AGAP2: variants seen among roughly 807,000 people sequenced by gnomAD.
AGAP2 encodes the protein arf-GAP with GTPase, ANK repeat and PH domain-containing protein 2.
AGAP2 carries 32 observed loss-of-function variants against 110.9 expected under a neutral mutation model. The observed-to-expected ratio is 0.29, with a 90% CI of 0.22 to 0.39. The LOEUF is 0.39. Among genes scored for constraint, AGAP2 ranks in the 10% least tolerant of loss-of-function variants. AGAP2 has a pLI of 1.00. For synonymous variants in AGAP2, 702 were observed against 713.0 expected (o/e 0.98, Z 0.25); for missense variants, 1,285 against 1,638.5 (o/e 0.78, Z 3.72).
chr12:57,739,883 G>A (rs1000543540), upstream of AGAP2: 3 of 152,274 alleles, frequency 2.0e-5, no homozygotes, highest in African/African-American at 7.2e-5. Flanking sequence ...TTAAAGAGGA[G>A]GCAGGCAGAG....
In AGAP2 at chr12:57,728,014, C is replaced by T; in HGVS notation, c.2689G>A (p.Glu897Lys). 1 of 1,613,902 alleles carries T rather than the reference C, an allele frequency of 6.2e-7. No homozygotes were observed. The highest frequency in any genetic ancestry group is 8.5e-7 in the Non-Finnish European group (1 of 1,179,842). ...ATGGCCTGGACCCAGGCATCCCGCT[C>T]CTCAAAACTGGCTGCCTCAAAGTGC... ...TWHFEAASFE[E>K]RDAWVQAIES... Residue 897 changes from glutamate (E) to lysine (K), a missense_variant, in exon 15 of 19, where the codon GAG (glutamate) becomes AAG (lysine). Glu to Lys is a moderately conservative substitution (Grantham distance 56, BLOSUM62 1). Transcript: ENST00000547588.
Position 57,726,520 on chromosome 12 carries a change from G to A in AGAP2, c.*32C>T, listed in dbSNP as rs753689772. The A allele has an allele frequency of 5.8e-6, 7 of 1,209,354 alleles. No homozygotes were observed. Among genetic ancestry groups the A allele is most frequent in the East Asian group, 6.9e-5 (2 of 28,932 alleles). 74.9% of individuals were successfully genotyped at this position (1,209,354 alleles called of 1,614,324 possible). On this transcript the variant is annotated 3_prime_UTR_variant, in exon 19 of 19. Coordinates refer to ENST00000547588, the MANE Select transcript of AGAP2 (RefSeq NM_001122772.3). This position sits in a 1 kb window ranked among gnomAD's most constrained non-coding sequence, Gnocchi z 5.7. ...CCCGGTGTGGTCGTGCCCGGCCCGC[G>A]TGGGGATGGGGGTGTCTCTCCCGCT...
At chr12:57,736,950 G>T in intron 1 of AGAP2, 129 bp downstream of exon 1, 3 of 1,429,792 alleles carry the variant, frequency 2.1e-6, no homozygotes, top group Non-Finnish European at 2.7e-6. Context: ...CTTGACAGAG[G>T]GGTGAGCTTG....
chr12:57,727,548 G>A lies in AGAP2; in HGVS notation c.2892C>T (p.Leu964=), dbSNP rs1954794675. The part of the protein sequence containing the change: ...PTWASLNLGA[L]ICIECSGIHR... The stretch of plus-strand genomic sequence containing the variant: ...GGATGCCAGAACACTCGATGCAGAT[G>A]AGGGCGCCCAGGTTCAAGCTGGCCC... The change falls in exon 17 of 19, where the codon CTC becomes CTT. Residue 964 remains leucine (L), a synonymous_variant. Transcript: ENST00000547588. The A allele has an allele frequency of 6.2e-7, 1 of 1,610,766 alleles. No homozygotes were observed. The highest frequency in any genetic ancestry group is 1.3e-5 in the African/African-American group (1 of 74,900).
At chr12:57,731,330 A>G in intron 10 of AGAP2, 36 bp downstream of exon 10, 1 of 1,557,718 alleles carries the variant, frequency 6.4e-7, no homozygotes, top group Non-Finnish European at 8.9e-7. Context: ...AGGGAAATCC[A>G]AAGCTGGCCA....
chr12:57,727,918 C>T lies in AGAP2; in HGVS notation c.2766+19G>A. ...GTCAGTTCCTGCGGCCAGTCCTCCA[C>T]TCCACCTCAAACTCTTACCTTGACC... On this transcript the variant is annotated intron_variant, in intron 15 of 18. Transcript: ENST00000547588. 1 of 1,613,428 alleles carries T rather than the reference C, an allele frequency of 6.2e-7. No individual in the cohort carries two copies. Among genetic ancestry groups the T allele is most frequent in the South Asian group, 1.1e-5 (1 of 91,058 alleles).
In AGAP2 at chr12:57,737,764, G is replaced by A; in HGVS notation, c.483C>T (p.Gly161=). Residue 161 remains glycine (G), a synonymous_variant, in exon 1 of 19, where the codon GGC becomes GGT. Transcript: ENST00000547588. This position sits in a 1 kb window ranked among gnomAD's most constrained non-coding sequence, Gnocchi z 5.9. ...GCGGAGAGGATGAGCCAGGGATGCCGCCGCCCGCCCGGCCTTCGGGCTCCG... is the reference window on the plus strand; with the variant it reads ...GCGGAGAGGATGAGCCAGGGATGCCACCGCCCGCCCGGCCTTCGGGCTCCG... The part of the protein sequence containing the change: ...GGPEPEGRAG[G]GIPGSSSPHP... 2 of 1,534,414 alleles carry A rather than the reference G, an allele frequency of 1.3e-6. No homozygotes were observed. The highest frequency in any genetic ancestry group is 1.2e-5 in the South Asian group (1 of 83,884).
At chr12:57,738,778 G>T (rs879382575), upstream of AGAP2, among the ~76,000 whole-genome samples, 689 of 151,740 alleles carry the variant, frequency 4.5e-3, 3 homozygotes, top group Non-Finnish European at 7.8e-3. The surrounding 1 kb of genome is among the most constrained non-coding windows in gnomAD (Gnocchi z 6.7). Context: ...AGGGGCGCGG[G>T]GAGGATGCTG....
intron 11 of AGAP2, 27 bp from the exon 12 acceptor site, chr12:57,730,641 G>C: frequency 6.2e-7 from 1 of 1,609,542 alleles, no homozygotes; most frequent in Non-Finnish European, 8.5e-7. Context: ...AAACCTCAGT[G>C]AGCCTCTTTC....
rs148187244 is a variant in AGAP2 at position 57,732,918 on chromosome 12, C to T, written c.1611G>A (p.Ala537=). 5.9e-5 allele frequency: 95 copies of T among 1,613,928 alleles called. No homozygotes were observed. The highest frequency in any genetic ancestry group is 7.8e-5 in the Non-Finnish European group (92 of 1,180,034). The change falls in exon 6 of 19, where the codon GCG becomes GCA. Residue 537 remains alanine (A), a synonymous_variant. Coordinates refer to ENST00000547588, the MANE Select transcript of AGAP2 (RefSeq NM_001122772.3). ...CATAGTAGCTGCAGCGTTTCATGTC[C>T]GCGCACAGAGCTCTGGCACGAGCAT... The part of the protein sequence containing the change: ...VGDARARALC[A]DMKRCSYYET...
At chr12:57,739,817 C>G (rs1277607553), upstream of AGAP2, 1 of 152,222 alleles carries the variant, frequency 6.6e-6, no homozygotes, top group African/African-American at 2.4e-5. Context: ...GAGCCGGCCT[C>G]TTCAGGGTTC....
chr12:57,728,164 T>G, intron 14 of AGAP2, 79 bp from the exon 15 acceptor site: 1 of 1,541,760 alleles, frequency 6.5e-7, no homozygotes, highest in Non-Finnish European at 8.8e-7. Context: ...TCCTCCCTGA[T>G]GTCCATCCCG....
intron 1 of AGAP2, among the ~76,000 whole-genome samples, chr12:57,735,659 CA>C (rs1247509309): frequency 6.6e-6 from 1 of 152,324 alleles, no homozygotes; most frequent in East Asian, 1.9e-4. Flanking sequence ...GCTAGCAAGA[CA>C]AAAATACTTC....
Position 57,738,169 on chromosome 12 carries a change from C to T in AGAP2, c.78G>A (p.Ser26=), listed in dbSNP as rs771398498. 3 of 1,524,016 alleles carry T rather than the reference C, an allele frequency of 2.0e-6. No homozygotes were observed. The highest frequency in any genetic ancestry group is 2.8e-5 in the African/African-American group (2 of 71,130). 94.4% of individuals were successfully genotyped at this position (1,524,016 alleles called of 1,614,324 possible). Residue 26 remains serine (S), a synonymous_variant, in exon 1 of 19, where the codon TCG becomes TCA. Transcript: ENST00000547588. The surrounding 1 kb of genome is among the most constrained non-coding windows in gnomAD (Gnocchi z 6.7). The part of the protein sequence containing the change: ...LISLTLVKLE[S]VPPPPPSPSA... Reference sequence around the variant, plus strand: ...ACGGAGAAGGCGGCGGCGGAGGCACCGACTCGAGCTTAACCAGGGTCAGCG... The same window carrying T: ...ACGGAGAAGGCGGCGGCGGAGGCACTGACTCGAGCTTAACCAGGGTCAGCG...
chr12:57,727,789 G>A lies in AGAP2; in HGVS notation c.2767-18C>T. ...GTGCGCAGCTGCAGAGAGGGTTTGG[G>A]TTGGCACTGACTCTGCCTCCAAGCC... On this transcript the variant is annotated intron_variant, in intron 15 of 18. Coordinates refer to ENST00000547588, the MANE Select transcript of AGAP2 (RefSeq NM_001122772.3). The A allele has an allele frequency of 1.3e-6, 2 of 1,574,994 alleles. No individual in the cohort carries two copies. The highest frequency in any genetic ancestry group is 1.7e-6 in the Non-Finnish European group (2 of 1,159,708).
Position 57,737,648 on chromosome 12 carries a change from G to T in AGAP2, c.599C>A (p.Ala200Asp). Residue 200 changes from alanine (A) to aspartate (D), a missense_variant, in exon 1 of 19, where the codon GCC becomes GAC. Coordinates refer to ENST00000547588, the MANE Select transcript of AGAP2 (RefSeq NM_001122772.3). This position sits in a 1 kb window ranked among gnomAD's most constrained non-coding sequence, Gnocchi z 5.9. ...CKTVTTSGAK[A>D]GGGKGAGSRL... is the part of the protein sequence containing the mutation. ...GCTACCCGCGCCCTTGCCCCCGCCG[G>T]CTTTGGCTCCACTCGTGGTCACGGT... The T allele has an allele frequency of 6.5e-7, 1 of 1,547,578 alleles. No homozygotes were observed. Among genetic ancestry groups the T allele is most frequent in the Non-Finnish European group, 8.7e-7 (1 of 1,146,982 alleles).
chr12:57,737,021 C>G lies in AGAP2; in HGVS notation c.1168+58G>C. The G allele has an allele frequency of 6.9e-7, 1 of 1,453,424 alleles. No homozygotes were observed. The highest frequency in any genetic ancestry group is 9.1e-7 in the Non-Finnish European group (1 of 1,101,256). The allele number at this position is 1,453,424 out of a possible 1,614,324, so 90.0% of individuals were successfully genotyped here. A position where few individuals can be genotyped will look rare whatever the true frequency, so the allele number is the denominator to read the frequency against. On this transcript the variant is annotated intron_variant, in intron 1 of 18. Transcript: ENST00000547588. The surrounding 1 kb of genome is among the most constrained non-coding windows in gnomAD (Gnocchi z 5.9). ...TTTCCTGGACCTCGCTCCTCCACCC[C>G]AAGCTGAGCATTCCAGGTACCCTTC...
intron 7 of AGAP2, 120 bp from the exon 8 acceptor site, chr12:57,732,087 G>A (rs1218401676): frequency 2.5e-6 from 3 of 1,184,012 alleles, no homozygotes; most frequent in Non-Finnish European, 3.5e-6. Context: ...TATTTATGTT[G>A]TCATTAATAA....
chr12:57,734,946 C>T (rs981945651), intron 2 of AGAP2, among the ~76,000 whole-genome samples: 1 of 151,548 alleles, frequency 6.6e-6, no homozygotes, highest in African/African-American at 2.4e-5. Flanking sequence ...CAATTCAGTA[C>T]CAGCTTTTTT....
Sources: gnomAD v4.1 joint callset for allele counts (sites outside exome capture counted in the v4.1 genomes callset) on GRCh38, gnomAD v4.1.1 for gene constraint, Gnocchi (gnomAD v3.1) non-coding constraint, MANE v1.5 for transcripts, NCBI Gene and HGNC (gene_info 2026-07-23, HGNC 2026-07-21) for gene names.